TAOK1: variants seen among roughly 807,000 people sequenced by gnomAD.
The protein encoded by TAOK1 is TAO kinase 1, also known as serine/threonine-protein kinase TAO1.
TAOK1 carries 21 observed loss-of-function variants against 138.3 expected under a neutral mutation model. The ratio of observed to expected loss-of-function variants is 0.15; its 90% CI spans 0.11 to 0.22. The LOEUF is 0.22. TAOK1 is among the 10% of genes least tolerant of loss of function. The pLI, the probability that TAOK1 is intolerant of heterozygous loss-of-function variation, is 1.00. For missense variants in TAOK1, 651 were observed against 1,227.7 expected, an observed-to-expected ratio of 0.53 and a Z score of 7.02; for synonymous variants, 361 against 398.4, an observed-to-expected ratio of 0.91 and a Z score of 1.12.
intron 10 of TAOK1, among the ~76,000 whole-genome samples, chr17:29,492,911 C>T (rs1277619378): frequency 1.3e-5 from 2 of 152,160 alleles, no homozygotes; most frequent in African/African-American, 4.8e-5. Context: ...GAGGCCGAGG[C>T]GGGCGGATCA....
chr17:29,454,424 T>G (rs972913698), intron 2 of TAOK1, among the ~76,000 whole-genome samples: 21 of 152,106 alleles, frequency 1.4e-4, no homozygotes, highest in African/African-American at 5.1e-4. Context: ...ATTTGAGGAT[T>G]GGCTTTTTTT....
At chr17:29,493,658 T>C (rs1204018173) in intron 10 of TAOK1, among the ~76,000 whole-genome samples, 1 of 152,190 alleles carries the variant, frequency 6.6e-6, no homozygotes, top group African/African-American at 2.4e-5. Context: ...GCCCCTAGTG[T>C]ATATTATCAC....
chr17:29,408,113 T>A (rs1905045507), intron 1 of TAOK1, among the ~76,000 whole-genome samples: 1 of 151,952 alleles, frequency 6.6e-6, no homozygotes, highest in Non-Finnish European at 1.5e-5. Flanking sequence ...TCCCTAGCCT[T>A]GCCATATTGC....
chr17:29,475,990 G>T (rs1039621775), intron 4 of TAOK1, among the ~76,000 whole-genome samples: 7 of 152,208 alleles, frequency 4.6e-5, no homozygotes, highest in African/African-American at 1.4e-4. Flanking sequence ...GAATTCTGTT[G>T]ACCTTTGTAT....
At chr17:29,422,886 G>A (rs766745710) in intron 1 of TAOK1, among the ~76,000 whole-genome samples, 1 of 152,070 alleles carries the variant, frequency 6.6e-6, no homozygotes, top group Non-Finnish European at 1.5e-5. Flanking sequence ...TTAACCGGGC[G>A]TGGTGGCAGG....
intron 1 of TAOK1, among the ~76,000 whole-genome samples, chr17:29,412,774 A>C (rs1905177854): frequency 6.6e-6 from 1 of 152,198 alleles, no homozygotes; most frequent in African/African-American, 2.4e-5. Flanking sequence ...TATTTATACA[A>C]CGAAAGTAAA....
intron 17 of TAOK1, among the ~76,000 whole-genome samples, chr17:29,525,489 C>T (rs2031994671): frequency 6.6e-6 from 1 of 152,118 alleles, no homozygotes; most frequent in African/African-American, 2.4e-5. Context: ...ACTGCAACCT[C>T]TGCCTCCCAG....
chr17:29,498,723 GC>G (rs1323270495), intron 12 of TAOK1, among the ~76,000 whole-genome samples: 1 of 152,128 alleles, frequency 6.6e-6, no homozygotes. Context: ...TTCAAGACCA[GC>G]CTGGCCGACA....
At chr17:29,538,889 T>A (rs866578793) in intron 19 of TAOK1, among the ~76,000 whole-genome samples, 1 of 152,246 alleles carries the variant, frequency 6.6e-6, no homozygotes, top group Non-Finnish European at 1.5e-5. Flanking sequence ...GACCTTTTTT[T>A]AATCATCTCA....
intron 16 of TAOK1, 50 bp downstream of exon 16, chr17:29,517,706 C>T (rs1362094029): frequency 1.3e-6 from 2 of 1,531,226 alleles, no homozygotes; most frequent in Admixed American, 3.8e-5. Flanking sequence ...AAGAATCTTT[C>T]CTGAAAATAT....
chr17:29,494,869 G>C (rs1313837376), intron 10 of TAOK1, among the ~76,000 whole-genome samples: 1 of 146,854 alleles, frequency 6.8e-6, no homozygotes, highest in Middle Eastern at 3.5e-3. Context: ...ATATTTCGTA[G>C]AACTCAAGGG....
chr17:29,511,041 T>C (rs780822130), intron 15 of TAOK1, 49 bp downstream of exon 15: 4 of 1,534,758 alleles, frequency 2.6e-6, no homozygotes, highest in Non-Finnish European at 3.5e-6. Context: ...TTATTAATTA[T>C]ATCCAATGGT....
At chr17:29,407,707 A>G (rs1487391375) in intron 1 of TAOK1, among the ~76,000 whole-genome samples, 2 of 152,166 alleles carry the variant, frequency 1.3e-5, no homozygotes, top group Non-Finnish European at 2.9e-5. Flanking sequence ...TTGGCCTCCC[A>G]AAGTGCTGGG....
chr17:29,422,158 A>G (rs780644411), intron 1 of TAOK1, among the ~76,000 whole-genome samples: 1 of 150,336 alleles, frequency 6.7e-6, no homozygotes, highest in Non-Finnish European at 1.5e-5. Context: ...CGGCCTCCCA[A>G]AGTGCTGGGA....
At chr17:29,539,341 T>C (rs1344213002) in intron 19 of TAOK1, among the ~76,000 whole-genome samples, 3 of 152,172 alleles carry the variant, frequency 2.0e-5, no homozygotes, top group Admixed American at 2.0e-4. Flanking sequence ...ATCAGGAGTT[T>C]GAGAGCAGCC....
At chr17:29,516,047 C>T (rs535189242) in intron 15 of TAOK1, among the ~76,000 whole-genome samples, 3 of 151,444 alleles carry the variant, frequency 2.0e-5, no homozygotes, top group South Asian at 4.2e-4. Context: ...CTGCAACCTC[C>T]GCCTCCCAGG....
At position 29,464,885 on chromosome 17, in the gene TAOK1, A is replaced by G. The variant is rs1423832669; in HGVS notation, c.133-2260A>G. ...GCTCAGGCTGGAGTGCAGTAGCGCA[A>G]TCTCAACTCACTGCAACCTCTGCCT... On this transcript the variant is annotated intron_variant, in intron 2 of 19. Coordinates refer to ENST00000261716, the MANE Select transcript of TAOK1 (RefSeq NM_020791.4). Among the ~76,000 whole-genome samples, 4 of 149,582 alleles carry G rather than the reference A, an allele frequency of 2.7e-5. No individual in the cohort carries two copies. In the South Asian group the frequency reaches 6.3e-4, roughly 24 times the overall value.
intron 1 of TAOK1, among the ~76,000 whole-genome samples, chr17:29,442,309 G>A (rs1264002245): frequency 6.6e-6 from 1 of 151,462 alleles, no homozygotes. Flanking sequence ...GCCTCCCAAA[G>A]TGCTGGGATT....
chr17:29,444,863 T>C (rs917698985), intron 1 of TAOK1, among the ~76,000 whole-genome samples: 2 of 152,242 alleles, frequency 1.3e-5, no homozygotes, highest in Non-Finnish European at 2.9e-5. Flanking sequence ...TTGTATTGTT[T>C]TTACTGTATA....
Sources: allele counts gnomAD v4.1 joint callset (sites outside exome capture counted in the v4.1 genomes callset), GRCh38; gene constraint gnomAD v4.1.1; transcripts MANE v1.5; gene names NCBI Gene and HGNC (gene_info 2026-07-23, HGNC 2026-07-21).